PDE1A: variants seen among roughly 807,000 people sequenced by gnomAD.
PDE1A encodes dual specificity calcium/calmodulin-dependent 3',5'-cyclic nucleotide phosphodiesterase 1A.
A neutral mutation model predicts 61.7 loss-of-function variants in PDE1A; 35 were observed. The observed-to-expected ratio is 0.57, with a 90% CI of 0.43 to 0.75. The LOEUF is 0.75. Among genes scored for constraint, PDE1A ranks in the 30% least tolerant of loss-of-function variants. The pLI is 0.00. For missense variants in PDE1A, 597 were observed against 630.6 expected (o/e 0.95, Z 0.57); for synonymous variants, 232 against 213.2 (o/e 1.09, Z -0.77).
chr2:182,578,251 C>A, the PDE1A span, among the ~76,000 whole-genome samples: 1 of 152,008 alleles, frequency 6.6e-6, no homozygotes, highest in Non-Finnish European at 1.5e-5. Flanking sequence ...CTCTTTTATA[C>A]CTTATGTATC....
the PDE1A span, among the ~76,000 whole-genome samples, chr2:182,546,356 T>C: frequency 6.6e-6 from 1 of 151,808 alleles, no homozygotes; most frequent in Non-Finnish European, 1.5e-5. Context: ...GACCACTCAC[T>C]GGATGGATGT....
chr2:182,308,702 C>G (rs1176166971), intron 1 of PDE1A, among the ~76,000 whole-genome samples: 1 of 151,870 alleles, frequency 6.6e-6, no homozygotes, highest in African/African-American at 2.4e-5. Flanking sequence ...GTTTTTATAT[C>G]TTTTTTACAG....
chr2:182,642,113 A>G, the PDE1A span, among the ~76,000 whole-genome samples: 1 of 152,252 alleles, frequency 6.6e-6, no homozygotes, highest in African/African-American at 2.4e-5. Flanking sequence ...GGGGCTACAC[A>G]TGATATGGAA....
chr2:182,666,864 G>A, the PDE1A span, among the ~76,000 whole-genome samples: 1 of 152,132 alleles, frequency 6.6e-6, no homozygotes, highest in African/African-American at 2.4e-5. Context: ...CATATTAAGT[G>A]TCTAGGAATA....
intron 1 of PDE1A, among the ~76,000 whole-genome samples, chr2:182,359,842 C>A (rs1337903548): frequency 5.9e-5 from 9 of 152,036 alleles, no homozygotes; most frequent in Non-Finnish European, 2.9e-5. Context: ...CAAACATTAG[C>A]CGGCAAAGAA....
the PDE1A span, among the ~76,000 whole-genome samples, chr2:182,538,723 T>C: frequency 1.3e-5 from 2 of 152,222 alleles, no homozygotes; most frequent in Non-Finnish European, 2.9e-5. Flanking sequence ...CTAGTACTCC[T>C]CTACTATATT....
At chr2:182,141,658 T>TA (rs1690232530) in exon 15 of PDE1A, 1 of 152,184 alleles carries the variant, frequency 6.6e-6, no homozygotes, top group African/African-American at 2.4e-5. Context: ...TTGTGAGTTA[T>TA]AAAATCTCAC....
chr2:182,297,728 G>A (rs1694980572), intron 1 of PDE1A, among the ~76,000 whole-genome samples: 1 of 152,116 alleles, frequency 6.6e-6, no homozygotes, highest in African/African-American at 2.4e-5. Context: ...AACTTTCCCT[G>A]TATAACAGAG....
chr2:182,428,560 C>A (rs1197149167), upstream of PDE1A, among the ~76,000 whole-genome samples: 1 of 152,126 alleles, frequency 6.6e-6, no homozygotes, highest in Non-Finnish European at 1.5e-5. Flanking sequence ...GTGTGCTATA[C>A]AGCAGTTAAA....
chr2:182,462,720 T>C (rs1031208374), intron 2 of PDE1A, among the ~76,000 whole-genome samples: 3 of 151,910 alleles, frequency 2.0e-5, no homozygotes, highest in Non-Finnish European at 2.9e-5. Context: ...GACACATATG[T>C]CCCCTCCCCA....
At chr2:182,649,319 T>C in the PDE1A span, among the ~76,000 whole-genome samples, 1 of 152,134 alleles carries the variant, frequency 6.6e-6, no homozygotes, top group Non-Finnish European at 1.5e-5. Context: ...ACATGAGCTA[T>C]TCCTAACACT....
intron 1 of PDE1A, among the ~76,000 whole-genome samples, chr2:182,361,084 C>T (rs2125167080): frequency 6.6e-6 from 1 of 152,162 alleles, no homozygotes; most frequent in Non-Finnish European, 1.5e-5. Context: ...CCGGCCGAAA[C>T]TAAGGATCAG....
At chr2:182,356,398 T>C (rs1002542429) in intron 1 of PDE1A, among the ~76,000 whole-genome samples, 7 of 152,120 alleles carry the variant, frequency 4.6e-5, no homozygotes, top group African/African-American at 1.7e-4. Context: ...ATATTAAGAA[T>C]TTTTATTAAT....
intron 1 of PDE1A, among the ~76,000 whole-genome samples, chr2:182,401,379 A>G (rs1393536637): frequency 6.6e-6 from 1 of 152,226 alleles, no homozygotes; most frequent in African/African-American, 2.4e-5. Context: ...ATGCAAATCA[A>G]TAAACGTAAT....
At chr2:182,217,563 A>C (rs1346941240) in intron 7 of PDE1A, among the ~76,000 whole-genome samples, 1 of 147,696 alleles carries the variant, frequency 6.8e-6, no homozygotes, top group Non-Finnish European at 1.5e-5. Flanking sequence ...AACTCAAACA[A>C]ATTTACAAGA....
chr2:182,230,052 T>C, exon 6 of PDE1A: 1 of 1,612,858 alleles, frequency 6.2e-7, no homozygotes, highest in Non-Finnish European at 8.5e-7. Flanking sequence ...TTGAGTGACA[T>C]CAGCTGCATG....
chr2:182,522,638 A>C, intron 1 of PDE1A: 2 of 1,232,844 alleles, frequency 1.6e-6, no homozygotes, highest in African/African-American at 1.5e-5. Context: ...CAATCCGTAC[A>C]TGTGAGCCTG....
At chr2:182,562,573 A>G in the PDE1A span, among the ~76,000 whole-genome samples, 2 of 152,118 alleles carry the variant, frequency 1.3e-5, no homozygotes, top group Non-Finnish European at 2.9e-5. Context: ...GCCTTATAAA[A>G]TGAGTTAGCG....
the PDE1A span, among the ~76,000 whole-genome samples, chr2:182,539,934 A>C: frequency 1.5e-4 from 23 of 152,226 alleles, no homozygotes; most frequent in African/African-American, 5.1e-4. Context: ...ATAATGACTA[A>C]AATTATATTT....
Sources: gnomAD v4.1 joint callset for allele counts (sites outside exome capture counted in the v4.1 genomes callset) on GRCh38, gnomAD v4.1.1 for gene constraint, MANE v1.5 for transcripts, NCBI Gene and HGNC (gene_info 2026-07-23, HGNC 2026-07-21) for gene names.